FAM83B: variants seen among roughly 807,000 people sequenced by gnomAD.
FAM83B encodes protein FAM83B.
In FAM83B, 26 loss-of-function variants were observed where a neutral mutation model predicts 38.8. The observed-to-expected ratio is 0.67, with a 90% CI of 0.49 to 0.93. The LOEUF is 0.93. Among genes scored for constraint, FAM83B ranks in the 40% least tolerant of loss-of-function variants. The pLI, the probability that FAM83B is intolerant of heterozygous loss-of-function variation, is 0.00. For missense variants in FAM83B, 1,237 were observed against 1,197.3 expected, an observed-to-expected ratio of 1.03 and a Z score of -0.49; for synonymous variants, 419 against 423.1, an observed-to-expected ratio of 0.99 and a Z score of 0.12.
Position 54,942,964 on chromosome 6 carries a change from G to A in FAM83B, c.*957G>A, listed in dbSNP as rs554189396. On this transcript the variant is annotated 3_prime_UTR_variant, in exon 5 of 5. Transcript: ENST00000306858. ...GTCACCCAGGCTAGAGTGCAGTGGCGCAATCTTGGCTCACTGCAACCTCTG... is the reference window on the plus strand; with the variant it reads ...GTCACCCAGGCTAGAGTGCAGTGGCACAATCTTGGCTCACTGCAACCTCTG... Among the ~76,000 whole-genome samples, 5 of 151,198 alleles carry A rather than the reference G, an allele frequency of 3.3e-5. No homozygotes were observed. The highest frequency in any genetic ancestry group is 5.9e-5 in the Non-Finnish European group (4 of 67,890).
chr6:54,865,199 A>G (rs796242664), intron 1 of FAM83B, among the ~76,000 whole-genome samples: 10 of 152,340 alleles, frequency 6.6e-5, no homozygotes, highest in African/African-American at 2.2e-4. Flanking sequence ...GTTTGGAATC[A>G]GAGTGTCAGC....
In FAM83B at chr6:54,869,947, T is replaced by A. The variant is rs187914013; in HGVS notation, c.-60-240T>A. Among the ~76,000 whole-genome samples, 35 of 152,228 alleles carry A rather than the reference T, an allele frequency of 2.3e-4. 1 individual carries two copies. In the East Asian group the frequency reaches 6.6e-3, roughly 29 times the overall value. The stretch of plus-strand genomic sequence containing the variant: ...TTTTCTAATTCTCTTTTAATTTAAA[T>A]TGAGATACCTTGGAAAAGGAAAATC... On this transcript the variant is annotated intron_variant, in intron 1 of 4. Coordinates refer to ENST00000306858, the MANE Select transcript of FAM83B (RefSeq NM_001010872.3).
At position 54,940,111 on chromosome 6, in the gene FAM83B, A is replaced by T. The variant is rs768102279; in HGVS notation, c.1140A>T (p.Ile380=). 1 of 1,614,112 alleles carries T rather than the reference A, an allele frequency of 6.2e-7. No individual in the cohort carries two copies. The highest frequency in any genetic ancestry group is 8.5e-7 in the Non-Finnish European group (1 of 1,180,012). Residue 380 remains isoleucine, a synonymous_variant, in exon 5 of 5, where the codon ATA becomes ATT. Transcript: ENST00000306858. ...TACGTCAGTTTCAACCCAATCAGAT[A>T]AATGAAAATTGGAAAAGGCATAGTT... ...NAIRQFQPNQ[I]NENWKRHSYA...
In FAM83B at chr6:54,941,655, A is replaced by G. The variant is rs749392026; in HGVS notation, c.2684A>G (p.Gln895Arg). The change falls in exon 5 of 5, where the codon CAA becomes CGA. Residue 895 changes from glutamine (Q) to arginine (R), a missense_variant. Physicochemically the swap from Gln to Arg is conservative, Grantham distance 43 (BLOSUM62 1). Coordinates refer to ENST00000306858, the MANE Select transcript of FAM83B (RefSeq NM_001010872.3). The stretch of plus-strand genomic sequence containing the variant: ...CCAAGATTTAACACTGAACAGATCC[A>G]ATACCGAGATTCAAGGGAGATTAAT... ...SAPRFNTEQIQYRDSREINAV... is the reference protein window; with the variant it reads ...SAPRFNTEQIRYRDSREINAV... 7.4e-6 allele frequency: 12 copies of G among 1,613,994 alleles called. No homozygotes were observed. The Admixed American group carries it at 1.3e-4, about 18-fold the overall frequency.
chr6:54,895,623 G>A (rs1265971638), intron 2 of FAM83B, among the ~76,000 whole-genome samples: 3 of 152,066 alleles, frequency 2.0e-5, no homozygotes, highest in African/African-American at 7.2e-5. Context: ...GACATTCATA[G>A]TTTTTATATT....
chr6:54,888,931 C>G (rs1452498298), intron 2 of FAM83B, among the ~76,000 whole-genome samples: 2 of 151,956 alleles, frequency 1.3e-5, no homozygotes, highest in Non-Finnish European at 2.9e-5. Flanking sequence ...CCAGCTATCT[C>G]TCATTCATTT....
At chr6:54,882,110 T>TG (rs1420824480) in intron 2 of FAM83B, among the ~76,000 whole-genome samples, 1 of 152,234 alleles carries the variant, frequency 6.6e-6, no homozygotes, top group Non-Finnish European at 1.5e-5. Flanking sequence ...TTTTTATGGC[T>TG]GCATAGTATT....
chr6:54,940,894 C>T lies in FAM83B; in HGVS notation c.1923C>T (p.Thr641=). ...AATCAAATAACTATATATATAAAAC[C>T]TTGGGTGTAAATAAGCAGACAGAAA... ...HTESNNYIYK[T]LGVNKQTENL... is the part of the protein sequence containing the mutation. Residue 641 remains threonine (T), a synonymous_variant, in exon 5 of 5, where the codon ACC becomes ACT. Coordinates refer to ENST00000306858, the MANE Select transcript of FAM83B (RefSeq NM_001010872.3). The T allele has an allele frequency of 6.2e-7, 1 of 1,613,662 alleles. No homozygotes were observed. The highest frequency in any genetic ancestry group is 8.5e-7 in the Non-Finnish European group (1 of 1,179,908).
chr6:54,900,692 C>T (rs1403067230), intron 2 of FAM83B, among the ~76,000 whole-genome samples: 1 of 152,140 alleles, frequency 6.6e-6, no homozygotes, highest in African/African-American at 2.4e-5. Context: ...CACATATGCA[C>T]AGGAAATCCA....
chr6:54,875,837 C>G (rs932720165), intron 2 of FAM83B, among the ~76,000 whole-genome samples: 1 of 152,142 alleles, frequency 6.6e-6, no homozygotes. Flanking sequence ...TGACTTCATC[C>G]TGCCAACAAT....
chr6:54,913,173 G>A (rs1772952771), intron 2 of FAM83B, among the ~76,000 whole-genome samples: 1 of 152,040 alleles, frequency 6.6e-6, no homozygotes, highest in African/African-American at 2.4e-5. Context: ...TTGTTTTGCT[G>A]TATTTGTTGT....
At chr6:54,858,426 A>ATTGGATGG (rs1422235121) in intron 1 of FAM83B, among the ~76,000 whole-genome samples, 4 of 152,228 alleles carry the variant, frequency 2.6e-5, no homozygotes, top group Non-Finnish European at 4.4e-5. Context: ...GGATGAACTT[A>ATTGGATGG]AGCCTTACAC....
chr6:54,919,462 C>T (rs1024104118), intron 2 of FAM83B, among the ~76,000 whole-genome samples: 2 of 152,108 alleles, frequency 1.3e-5, no homozygotes, highest in Non-Finnish European at 2.9e-5. Context: ...ATGCCTTTTA[C>T]ATTTCCAATT....
At chr6:54,921,411 G>C (rs891092484) in intron 2 of FAM83B, among the ~76,000 whole-genome samples, 5 of 151,832 alleles carry the variant, frequency 3.3e-5, no homozygotes, top group African/African-American at 9.7e-5. Flanking sequence ...AGAAAGATAA[G>C]TGAAGAAAAA....
In FAM83B at chr6:54,874,653, A is replaced by G. The variant is rs757698165; in HGVS notation, c.444+3963A>G. On this transcript the variant is annotated intron_variant, in intron 2 of 4. Coordinates refer to ENST00000306858, the MANE Select transcript of FAM83B (RefSeq NM_001010872.3). Reference sequence around the variant, plus strand: ...TAGCCACTCAGTGGTACGTATTTACAAAGTTATAACTTCTGAGAGTCTTGA... The same window carrying G: ...TAGCCACTCAGTGGTACGTATTTACGAAGTTATAACTTCTGAGAGTCTTGA... Among the ~76,000 whole-genome samples the G allele has an allele frequency of 2.0e-5, 3 of 152,144 alleles. 1 individual carries two copies. Among genetic ancestry groups the G allele is most frequent in the Non-Finnish European group, 1.5e-5 (1 of 68,020 alleles).
intron 2 of FAM83B, among the ~76,000 whole-genome samples, chr6:54,886,198 A>G (rs1013513544): frequency 6.6e-6 from 1 of 152,034 alleles, no homozygotes; most frequent in Non-Finnish European, 1.5e-5. Flanking sequence ...TATTTTATTT[A>G]TGAATTTTGT....
chr6:54,904,839 A>G (rs895679146), intron 2 of FAM83B, among the ~76,000 whole-genome samples: 1 of 152,224 alleles, frequency 6.6e-6, no homozygotes, highest in Admixed American at 6.5e-5. Context: ...GAAGGCAAGC[A>G]GTAAAAAGAA....
intron 2 of FAM83B, among the ~76,000 whole-genome samples, chr6:54,900,381 A>G (rs1410993669): frequency 6.6e-6 from 1 of 152,148 alleles, no homozygotes; most frequent in African/African-American, 2.4e-5. Context: ...ACCAGGTGTA[A>G]TGTGAGCTTT....
At chr6:54,887,073 T>C (rs1398064933) in intron 2 of FAM83B, among the ~76,000 whole-genome samples, 11 of 152,222 alleles carry the variant, frequency 7.2e-5, no homozygotes. Context: ...GTATGACTTA[T>C]GTACTTTGAC....
Sources: gnomAD v4.1 joint callset for allele counts (sites outside exome capture counted in the v4.1 genomes callset) on GRCh38, gnomAD v4.1.1 for gene constraint, MANE v1.5 for transcripts, NCBI Gene and HGNC (gene_info 2026-07-23, HGNC 2026-07-21) for gene names.